Variants in PKD1 observed in about 807,000 individuals in gnomAD.
PKD1 encodes the protein polycystin-1.
In PKD1, 81 loss-of-function variants were observed where a neutral mutation model predicts 361.7. That is an observed-to-expected ratio of 0.22 (90% confidence interval 0.19 to 0.27). The LOEUF (loss-of-function observed/expected upper bound fraction) is 0.27, where lower values mean the gene tolerates loss of function less well. Among genes scored for constraint, PKD1 ranks in the 10% least tolerant of loss-of-function variants. PKD1 has a pLI of 1.00. For synonymous variants in PKD1, 3,615 were observed against 2,818.3 expected, an observed-to-expected ratio of 1.28 and a Z score of -8.95; for missense variants, 6,399 against 6,118.3, an observed-to-expected ratio of 1.05 and a Z score of -1.53.
rs1174360337 is a variant in PKD1 at position 2,135,537 on chromosome 16, G to A, written c.153C>T (p.Cys51=). 3.5e-6 allele frequency: 4 copies of A among 1,155,180 alleles called. No homozygotes were observed. Among genetic ancestry groups the A allele is most frequent in the South Asian group, 4.2e-5 (1 of 23,668 alleles). The allele number at this position is 1,155,180 out of a possible 1,614,324, so 71.6% of individuals were successfully genotyped here. ...CGAGCGTCCGCAGCCCGCGGCCCGAGCAGTTGACGCGGCAGGCGGCGCCGG... is the reference window on the plus strand; with the variant it reads ...CGAGCGTCCGCAGCCCGCGGCCCGAACAGTTGACGCGGCAGGCGGCGCCGG... ...PAPGAACRVN[C]SGRGLRTLGP... is the part of the protein sequence containing the mutation. The change falls in exon 1 of 46, where the codon TGC becomes TGT. Residue 51 remains cysteine (C), a synonymous_variant. Coordinates refer to ENST00000262304, the MANE Select transcript of PKD1 (RefSeq NM_001009944.3).
Position 2,091,329 on chromosome 16 carries a change from G to GCGAGGGCGGGGCC in PKD1, c.11712+93_11712+94insGGCCCCGCCCTCG, listed in dbSNP as rs2091552965. 1.0e-5 allele frequency: 4 copies of GCGAGGGCGGGGCC among 390,382 alleles called. No homozygotes were observed. In the African/African-American group the frequency reaches 1.6e-4, roughly 15 times the overall value. 24.2% of individuals were successfully genotyped at this position (390,382 alleles called of 1,614,324 possible). ...GCGGGACGCTGCGAGGGGGCGGGGCGCTGCGAGGGGTGAGACGCTGCCGGG... is the reference window on the plus strand; with the variant it reads ...GCGGGACGCTGCGAGGGGGCGGGGCGCGAGGGCGGGGCCCTGCGAGGGGTGAGACGCTGCCGGG... On this transcript the variant is annotated intron_variant, in intron 42 of 45. Coordinates refer to ENST00000262304, the MANE Select transcript of PKD1 (RefSeq NM_001009944.3).
chr16:2,124,332 G>A (rs1046035488), intron 1 of PKD1, among the ~76,000 whole-genome samples: 19 of 152,328 alleles, frequency 1.2e-4, no homozygotes, highest in African/African-American at 2.6e-4. Context: ...CTGGAGCCTC[G>A]GCCCCTCAGG....
intron 16 of PKD1, 183 bp from the exon 17 acceptor site, chr16:2,107,131 G>T: frequency 1.5e-6 from 1 of 674,498 alleles, no homozygotes; most frequent in South Asian, 1.6e-5. Flanking sequence ...ACGGCGGAAG[G>T]GCATACACAG....
In PKD1 at chr16:2,088,824, A is replaced by C; in HGVS notation, c.*903T>G. On this transcript the variant is annotated 3_prime_UTR_variant, in exon 46 of 46. Coordinates refer to ENST00000262304, the MANE Select transcript of PKD1 (RefSeq NM_001009944.3). ...GTGGTACACAGAAGCAGGCACAGCC[A>C]GCTCCGAGGGCCTTGAGGCTGCCTG... 2 of 650,214 alleles carry C rather than the reference A, an allele frequency of 3.1e-6. No homozygotes were observed. Among genetic ancestry groups the C allele is most frequent in the East Asian group, 2.8e-5 (1 of 35,644 alleles). 40.3% of individuals were successfully genotyped at this position (650,214 alleles called of 1,614,324 possible).
At chr16:2,092,325 C>T in intron 39 of PKD1, 137 bp from the exon 40 acceptor site, 2 of 1,041,336 alleles carry the variant, frequency 1.9e-6, no homozygotes, top group South Asian at 1.5e-5. Flanking sequence ...AATTAGACAA[C>T]GTTACCATCT....
At position 2,089,895 on chromosome 16, in the gene PKD1, G is replaced by A. The variant is rs1387701794; in HGVS notation, c.12744C>T (p.Gly4248=). 6.2e-7 allele frequency: 1 copy of A among 1,611,342 alleles called. No homozygotes were observed. Among genetic ancestry groups the A allele is most frequent in the Non-Finnish European group, 8.5e-7 (1 of 1,179,494 alleles). ...CGGCGGGCGCCCGGCTGCTCCTGCG[G>A]CCTTGCAGGCTGTGCAGCTGCTGCT... ...QLEQQLHSLQ[G]RRSSRAPAGS... is the part of the protein sequence containing the mutation. The change falls in exon 46 of 46, where the codon GGC becomes GGT. Residue 4248 remains glycine, a synonymous_variant. Transcript: ENST00000262304.
chr16:2,108,262 G>T lies in PKD1; in HGVS notation c.6905C>A (p.Ala2302Asp). The T allele has an allele frequency of 1.3e-6, 2 of 1,599,292 alleles. No individual in the cohort carries two copies. Among genetic ancestry groups the T allele is most frequent in the Non-Finnish European group, 8.5e-7 (1 of 1,171,376 alleles). The change falls in exon 15 of 46, where the codon GCT becomes GAT. Residue 2302 changes from alanine (A) to aspartate (D), a missense_variant. Ala to Asp is a moderately radical substitution (Grantham distance 126). Coordinates refer to ENST00000262304, the MANE Select transcript of PKD1 (RefSeq NM_001009944.3). ...TPLSFHWACVASTQREAGGCA... is the reference protein window; with the variant it reads ...TPLSFHWACVDSTQREAGGCA... The stretch of plus-strand genomic sequence containing the variant: ...CTGCCACGCACTGACCTGTGTCGAA[G>T]CCACACAGGCCCAGTGGAAACTGAG...
In PKD1 at chr16:2,135,848, C is replaced by T. The variant is rs1444315815; in HGVS notation, c.-159G>A. 1 of 263,874 alleles carries T rather than the reference C, an allele frequency of 3.8e-6. No homozygotes were observed. Among genetic ancestry groups the T allele is most frequent in the African/African-American group, 2.3e-5 (1 of 43,436 alleles). 16.3% of individuals were successfully genotyped at this position (263,874 alleles called of 1,614,324 possible). On this transcript the variant is annotated 5_prime_UTR_variant, in exon 1 of 46. Transcript: ENST00000262304. The stretch of plus-strand genomic sequence containing the variant: ...GCGACGCCCGCTCGGGGCTCGGGGC[C>T]AGGCCGCTCCGGGAGCTCGGCCGCC...
Position 2,115,472 on chromosome 16 carries a change from C to A in PKD1, c.2003G>T (p.Gly668Val). Residue 668 changes from glycine (G) to valine (V), a missense_variant, in exon 10 of 46, where the codon GGC (glycine) becomes GTC (valine). Physicochemically the swap from Gly to Val is moderately radical, Grantham distance 109. Coordinates refer to ENST00000262304, the MANE Select transcript of PKD1 (RefSeq NM_001009944.3). ...GGGTAGCCCTGGCCCTGACGTGCAG[C>A]CATTGGCGCAGGCCTGGGGGTGGCA... ...ASCHPQACAN[G>V]CTSGPGLPGA... 1.2e-6 allele frequency: 2 copies of A among 1,602,206 alleles called. No individual in the cohort carries two copies. Among genetic ancestry groups the A allele is most frequent in the South Asian group, 1.1e-5 (1 of 89,534 alleles).
chr16:2,109,300 A>G lies in PKD1; in HGVS notation c.5867T>C (p.Val1956Ala). Reference protein sequence around the residue: ...HVVSVRGKNHVSWAQAQVRIV... With the variant: ...HVVSVRGKNHASWAQAQVRIV... Reference sequence around the variant, plus strand: ...GCGCACCTGCGCCTGGGCCCAGCTCACGTGGTTTTTGCCCCGCACGCTCAC... The same window carrying G: ...GCGCACCTGCGCCTGGGCCCAGCTCGCGTGGTTTTTGCCCCGCACGCTCAC... The change falls in exon 15 of 46, where the codon GTG (valine) becomes GCG (alanine). Residue 1956 changes from valine to alanine, a missense_variant. Physicochemically the swap from Val to Ala is moderately conservative, Grantham distance 64. Coordinates refer to ENST00000262304, the MANE Select transcript of PKD1 (RefSeq NM_001009944.3). 1 of 1,585,144 alleles carries G rather than the reference A, an allele frequency of 6.3e-7. No individual in the cohort carries two copies. The highest frequency in any genetic ancestry group is 8.6e-7 in the Non-Finnish European group (1 of 1,168,206).
In PKD1 at chr16:2,102,622, G is replaced by A. The variant is rs757987953; in HGVS notation, c.8960C>T (p.Pro2987Leu). The change falls in exon 25 of 46, where the codon CCA (proline) becomes CTA (leucine). Residue 2987 changes from proline (P) to leucine (L), a missense_variant. Physicochemically the swap from Pro to Leu is moderately conservative, Grantham distance 98. Transcript: ENST00000262304. ...TFFISPGSRD[P>L]AGSYHLNLSS... ...GAGGTTCAGATGGTAACTCCCCGCTGGGTCTCTGCTCCTGGGCAGGGAAGG... is the reference window on the plus strand; with the variant it reads ...GAGGTTCAGATGGTAACTCCCCGCTAGGTCTCTGCTCCTGGGCAGGGAAGG... 1.1e-5 allele frequency: 18 copies of A among 1,610,880 alleles called. No homozygotes were observed. The highest frequency in any genetic ancestry group is 2.1e-4 in the Middle Eastern group (1 of 4,792).
In PKD1 at chr16:2,109,004, G is replaced by A. The variant is rs770711019; in HGVS notation, c.6163C>T (p.Leu2055=). 2 of 1,610,388 alleles carry A rather than the reference G, an allele frequency of 1.2e-6. No individual in the cohort carries two copies. The highest frequency in any genetic ancestry group is 1.7e-6 in the Non-Finnish European group (2 of 1,179,242). ...TACTGGACGGCGTCCTGAACCTCCA[G>A]CACCAGCGTGCGGTTCTCACTGCCC... ...ALGSENRTLV[L]EVQDAVQYVA... is the part of the protein sequence containing the mutation. Residue 2055 remains leucine, a synonymous_variant, in exon 15 of 46, where the codon CTG becomes TTG. Coordinates refer to ENST00000262304, the MANE Select transcript of PKD1 (RefSeq NM_001009944.3).
rs757184176 is a variant in PKD1, at chr16:2,106,763, G to A, written c.7209+42C>T. 1.4e-5 allele frequency: 21 copies of A among 1,502,974 alleles called. No homozygotes were observed. The African/African-American group carries it at 2.4e-4, about 17-fold the overall frequency. 93.1% of individuals were successfully genotyped at this position (1,502,974 alleles called of 1,614,324 possible). A position where few individuals can be genotyped will look rare whatever the true frequency, so the allele number is the denominator to read the frequency against. ...CTGCAGGCCCCGTCCCCTCGGCCATGGGACCCATCCCCAGCCCGCCCACAC... is the reference window on the plus strand; with the variant it reads ...CTGCAGGCCCCGTCCCCTCGGCCATAGGACCCATCCCCAGCCCGCCCACAC... On this transcript the variant is annotated intron_variant, in intron 17 of 45. Transcript: ENST00000262304. This position sits in a 1 kb window ranked among gnomAD's most constrained non-coding sequence, Gnocchi z 6.5.
rs762337976 is a variant in PKD1, at chr16:2,092,095, G to A, written c.11363C>T (p.Pro3788Leu). The A allele has an allele frequency of 1.6e-5, 25 of 1,612,882 alleles. No individual in the cohort carries two copies. The highest frequency in any genetic ancestry group is 2.1e-5 in the Non-Finnish European group (25 of 1,179,996). ...GGCCCACGTCCCCGAGCCATTGTGA[G>A]GACTCTCCCAGCCAACGTCGTAATC... is the stretch of plus-strand genomic sequence containing the variant. ...TSDYDVGWES[P>L]HNGSGTWAYS... The change falls in exon 40 of 46, where the codon CCT (proline) becomes CTT (leucine). Residue 3788 changes from proline (P) to leucine (L), a missense_variant. By Grantham distance (98) the Pro-to-Leu change is moderately conservative. Coordinates refer to ENST00000262304, the MANE Select transcript of PKD1 (RefSeq NM_001009944.3).
In PKD1 at chr16:2,093,650, G is replaced by A. The variant is rs369809152; in HGVS notation, c.10910C>T (p.Thr3637Met). ...DDTLVESPAV[T>M]PVSARVPRVR... ...GCGGGGCACACGTGCGCTCACAGGC[G>A]TCACAGCCGGGCTCTCTACCAGGGT... Residue 3637 changes from threonine to methionine, a missense_variant, in exon 37 of 46, where the codon ACG (threonine) becomes ATG (methionine). By Grantham distance (81) the Thr-to-Met change is moderately conservative. Transcript: ENST00000262304. The A allele has an allele frequency of 5.6e-6, 9 of 1,608,358 alleles. No homozygotes were observed. Among genetic ancestry groups the A allele is most frequent in the South Asian group, 1.1e-5 (1 of 90,114 alleles).
Position 2,102,329 on chromosome 16 carries a change from C to T in PKD1, c.9201+52G>A, listed in dbSNP as rs1596521626. 101 of 1,529,550 alleles carry T rather than the reference C, an allele frequency of 6.6e-5. 1 individual carries two copies. The South Asian group carries it at 1.1e-3, about 17-fold the overall frequency. 94.7% of individuals were successfully genotyped at this position (1,529,550 alleles called of 1,614,324 possible). On this transcript the variant is annotated intron_variant, in intron 25 of 45. Transcript: ENST00000262304. ...CCTTCTCAGGATAGAGCCGAGCCCA[C>T]CCAGGCCCTCCTCGACTCTGCAGAG...
In PKD1 at chr16:2,103,691, T is replaced by C. The variant is rs772565411; in HGVS notation, c.8366A>G (p.Asp2789Gly). Residue 2789 changes from aspartate (D) to glycine (G), a missense_variant, in exon 23 of 46, where the codon GAC (aspartate) becomes GGC (glycine). Asp to Gly is a moderately conservative substitution (Grantham distance 94). Transcript: ENST00000262304. Reference protein sequence around the residue: ...EEIVAQGKRSDPRSLLCYGGA... With the variant: ...EEIVAQGKRSGPRSLLCYGGA... Reference sequence around the variant, plus strand: ...GCCATAGCACAGCAGGCTCCGCGGGTCCGAGCGCTTGCCCTGGGCCACGAT... The same window carrying C: ...GCCATAGCACAGCAGGCTCCGCGGGCCCGAGCGCTTGCCCTGGGCCACGAT... The C allele has an allele frequency of 9.3e-6, 15 of 1,609,808 alleles. No homozygotes were observed. The South Asian group carries it at 1.5e-4, about 17-fold the overall frequency.
chr16:2,115,030 C>T, intron 10 of PKD1, 105 bp from the exon 11 acceptor site: 2 of 1,513,278 alleles, frequency 1.3e-6, no homozygotes, highest in Non-Finnish European at 1.8e-6. Context: ...CTTCGTCAGC[C>T]ACACCTCAAG....
rs781000825 is a variant in PKD1 at position 2,093,699 on chromosome 16, G to A, written c.10861C>T (p.Arg3621Trp). The A allele has an allele frequency of 2.5e-6, 4 of 1,598,642 alleles. No homozygotes were observed. Among genetic ancestry groups the A allele is most frequent in the East Asian group, 2.3e-5 (1 of 44,344 alleles). ...GTGTCATCTTCATCCGGGTGCAGCC[G>A]CTTGGCCACCAGTGAGAAGTACAGG... Reference protein sequence around the residue: ...EALYFSLVAKRLHPDEDDTLV... With the variant: ...EALYFSLVAKWLHPDEDDTLV... The change falls in exon 37 of 46, where the codon CGG becomes TGG. Residue 3621 changes from arginine to tryptophan, a missense_variant. Transcript: ENST00000262304.
Sources: gnomAD v4.1 joint callset for allele counts (sites outside exome capture counted in the v4.1 genomes callset) on GRCh38, gnomAD v4.1.1 for gene constraint, Gnocchi (gnomAD v3.1) non-coding constraint, MANE v1.5 for transcripts, NCBI Gene and HGNC (gene_info 2026-07-23, HGNC 2026-07-21) for gene names.